CENPE: variants seen among roughly 807,000 people sequenced by gnomAD.
CENPE encodes centromere protein E, also known as centromere-associated protein E.
In CENPE, 145 loss-of-function variants were observed where a neutral mutation model predicts 336.1. That is an observed-to-expected ratio of 0.43 (90% CI 0.38 to 0.50). The LOEUF is 0.50. Ranked by LOEUF, CENPE falls within the 20% of genes least tolerant of loss-of-function variation. The pLI is 0.00. For missense variants in CENPE, 2,719 were observed against 3,023.3 expected (o/e 0.90, Z 2.36); for synonymous variants, 1,013 against 984.8 (o/e 1.03, Z -0.54).
chr4:103,187,175 T>C (rs1397974243), intron 8 of CENPE, among the ~76,000 whole-genome samples: 3 of 152,178 alleles, frequency 2.0e-5, no homozygotes, highest in Non-Finnish European at 2.9e-5. Context: ...TTTCCTACTT[T>C]GTTCCATTCT....
rs1048673687 is a variant in CENPE at position 103,188,747 on chromosome 4, T to G, written c.694-2886A>C. On this transcript the variant is annotated intron_variant, in intron 8 of 48. Transcript: ENST00000265148. ...AATTAAAAGAACTAGAAAAGCAAGA[T>G]CAAACACATTCAAAAGCTAGCAGAC... is the stretch of plus-strand genomic sequence containing the variant. Among the ~76,000 whole-genome samples, 10 of 151,406 alleles carry G rather than the reference T, an allele frequency of 6.6e-5. No homozygotes were observed. In the East Asian group the frequency reaches 9.7e-4, roughly 15 times the overall value.
At chr4:103,140,746 C>T in intron 36 of CENPE, 68 bp downstream of exon 36, 3 of 1,299,038 alleles carry the variant, frequency 2.3e-6, no homozygotes, top group Non-Finnish European at 3.2e-6. Flanking sequence ...CACAACGCTG[C>T]AGTGAACACT....
At chr4:103,166,362 T>C (rs1754921324) in intron 16 of CENPE, among the ~76,000 whole-genome samples, 2 of 152,188 alleles carry the variant, frequency 1.3e-5, no homozygotes, top group Admixed American at 6.5e-5. Flanking sequence ...CTAGAGACCA[T>C]GTTCTTAATC....
intron 9 of CENPE, among the ~76,000 whole-genome samples, chr4:103,184,578 T>C (rs975840402): frequency 6.6e-6 from 1 of 152,294 alleles, no homozygotes; most frequent in Non-Finnish European, 1.5e-5. Context: ...GGCTATCAAT[T>C]AATGAATAAT....
In CENPE at chr4:103,143,407, C is replaced by A; in HGVS notation, c.5146-1G>T. ...TTAGCTCCTCTTGTTTTTCTAGGTC[C>A]TTTATCAATAGAAAAATAAAAATAA... is the stretch of plus-strand genomic sequence containing the variant. On this transcript the variant is annotated splice_acceptor_variant, in intron 33 of 48. Transcript: ENST00000265148. LOFTEE classifies it high-confidence loss of function. The A allele has an allele frequency of 6.4e-7, 1 of 1,571,760 alleles. No individual in the cohort carries two copies. The highest frequency in any genetic ancestry group is 8.7e-7 in the Non-Finnish European group (1 of 1,144,564).
At chr4:103,131,172 G>T (rs1751559476) in intron 42 of CENPE, among the ~76,000 whole-genome samples, 1 of 152,060 alleles carries the variant, frequency 6.6e-6, no homozygotes, top group South Asian at 2.1e-4. Flanking sequence ...CAGATTGGTA[G>T]AATATATTTC....
At chr4:103,139,107 A>T (rs534092134) in intron 38 of CENPE, among the ~76,000 whole-genome samples, 1 of 108,978 alleles carries the variant, frequency 9.2e-6, no homozygotes, top group South Asian at 2.6e-4. Flanking sequence ...TTTCTGATTA[A>T]AAAGTATAAA....
At chr4:103,124,329 T>C (rs1386473859) in intron 42 of CENPE, among the ~76,000 whole-genome samples, 1 of 152,178 alleles carries the variant, frequency 6.6e-6, no homozygotes, top group Non-Finnish European at 1.5e-5. Context: ...ATTTCAGATG[T>C]TGGATGTGGA....
intron 47 of CENPE, among the ~76,000 whole-genome samples, chr4:103,109,815 T>C (rs1749228482): frequency 6.6e-6 from 1 of 152,158 alleles, no homozygotes; most frequent in African/African-American, 2.4e-5. Flanking sequence ...CTTAAAACCC[T>C]CCAGTGCAGG....
chr4:103,161,032 T>G, intron 20 of CENPE, 54 bp downstream of exon 20: 1 of 1,395,112 alleles, frequency 7.2e-7, no homozygotes, highest in Non-Finnish European at 9.8e-7. Context: ...ATTGTTTAGG[T>G]ACATTTCTAG....
chr4:103,149,033 T>C (rs1753311987), intron 27 of CENPE, 34 bp from the exon 28 acceptor site: 2 of 1,601,878 alleles, frequency 1.2e-6, no homozygotes, highest in Admixed American at 1.7e-5. Context: ...TATTGTAATA[T>C]TCTTCCAACA....
intron 44 of CENPE, among the ~76,000 whole-genome samples, chr4:103,119,822 G>T (rs1034226434): frequency 1.3e-5 from 2 of 151,914 alleles, no homozygotes; most frequent in African/African-American, 4.8e-5. Context: ...AGGAAAAAAA[G>T]AATTTAAAAA....
intron 48 of CENPE, 111 bp downstream of exon 48, chr4:103,108,692 G>A: frequency 1.0e-6 from 1 of 998,128 alleles, no homozygotes; most frequent in Non-Finnish European, 1.5e-6. Flanking sequence ...TGTCATTGTA[G>A]CTTACTCAAC....
At chr4:103,183,023 T>A in intron 10 of CENPE, 132 bp from the exon 11 acceptor site, 1 of 901,002 alleles carries the variant, frequency 1.1e-6, no homozygotes, top group Non-Finnish European at 1.6e-6. Context: ...TGAGGCAGAT[T>A]AAAACTACTA....
chr4:103,165,561 G>A (rs963009398), intron 16 of CENPE, among the ~76,000 whole-genome samples: 2 of 152,090 alleles, frequency 1.3e-5, no homozygotes, highest in African/African-American at 4.8e-5. Flanking sequence ...GTAGGTTTTG[G>A]AACATATTTT....
chr4:103,108,538 A>G (rs1749099991), intron 48 of CENPE, among the ~76,000 whole-genome samples: 1 of 152,110 alleles, frequency 6.6e-6, no homozygotes, highest in African/African-American at 2.4e-5. Flanking sequence ...CATGTCCTTG[A>G]GAAAGTTGCT....
rs1180033402 is a variant in CENPE, at chr4:103,138,399, T to A, written c.6255A>T (p.Gly2085=). The A allele has an allele frequency of 1.2e-6, 2 of 1,613,830 alleles. No individual in the cohort carries two copies. Among genetic ancestry groups the A allele is most frequent in the Non-Finnish European group, 1.7e-6 (2 of 1,179,734 alleles). ...TCAGGCTTTCCGTAAGGTGCTGTTGTCCATCACTTAGTAACCTTTTTTCAG... is the reference window on the plus strand; with the variant it reads ...TCAGGCTTTCCGTAAGGTGCTGTTGACCATCACTTAGTAACCTTTTTTCAG... ...VKPEKRLLSD[G]QQHLTESLRE... is the part of the protein sequence containing the mutation. Residue 2085 remains glycine, a synonymous_variant, in exon 39 of 49, where the codon GGA becomes GGT. Coordinates refer to ENST00000265148, the MANE Select transcript of CENPE (RefSeq NM_001813.3).
chr4:103,135,538 CT>C (rs1751993039), intron 40 of CENPE, among the ~76,000 whole-genome samples: 1 of 152,100 alleles, frequency 6.6e-6, no homozygotes, highest in South Asian at 2.1e-4. Flanking sequence ...TTTCTTTAAT[CT>C]CGTTTGTCCT....
chr4:103,107,294 A>T (rs1578520576), intron 48 of CENPE, among the ~76,000 whole-genome samples: 1 of 152,264 alleles, frequency 6.6e-6, no homozygotes, highest in East Asian at 1.9e-4. Flanking sequence ...TTTATTCCAA[A>T]TGTTTCTGTG....
Sources: gnomAD v4.1 joint callset for allele counts (sites outside exome capture counted in the v4.1 genomes callset) on GRCh38, gnomAD v4.1.1 for gene constraint, MANE v1.5 for transcripts, NCBI Gene and HGNC (gene_info 2026-07-23, HGNC 2026-07-21) for gene names.